The following IGSF1 variants were observed in gnomAD, a reference collection of about 807,000 sequenced individuals.
IGSF1 encodes immunoglobulin-like domain-containing protein 1.
In IGSF1, 40 loss-of-function variants were observed where a neutral mutation model predicts 95.3. The observed-to-expected ratio is 0.42, with a 90% CI of 0.33 to 0.55. The LOEUF (loss-of-function observed/expected upper bound fraction) is 0.55. IGSF1 is among the 20% of genes least tolerant of loss of function. The pLI, the probability that IGSF1 is intolerant of heterozygous loss-of-function variation, is 0.10. For missense variants in IGSF1, 906 were observed against 1,025.4 expected (o/e 0.88, Z 1.59); for synonymous variants, 372 against 382.9 (o/e 0.97, Z 0.33).
intron 5 of IGSF1, chrX:131,284,785 T>TTTTATAATAA: frequency 4.7e-6 from 4 of 844,128 alleles, no homozygotes; most frequent in Non-Finnish European, 5.8e-6. Context: ...AAAATAACAA[T>TTTTATAATAA]TACAAATAAA....
chrX:131,286,451 C>A lies in IGSF1; in HGVS notation c.83G>T (p.Gly28Val). The A allele has an allele frequency of 8.3e-7, 1 of 1,203,761 alleles. No homozygotes were observed. Among genetic ancestry groups the A allele is most frequent in the South Asian group, 1.8e-5 (1 of 56,772 alleles). ...VLLFCIRMSL[G>V]MTSIVMDPQP... is the part of the protein sequence containing the mutation. The stretch of plus-strand genomic sequence containing the variant: ...GACTCACTTACCTATTGATGTCATA[C>A]CCAGACTCATCCCTGAAAAGAGAGA... Residue 28 changes from glycine (G) to valine (V), a missense_variant, in exon 3 of 20, where the codon GGT becomes GTT. This residue lies in a region of IGSF1 where 442 missense variants were observed against 448.1 expected (regional missense o/e 0.99). Coordinates refer to ENST00000361420, the MANE Select transcript of IGSF1 (RefSeq NM_001555.5).
At chrX:131,276,800 T>G (rs1174698302) in intron 14 of IGSF1, 139 bp downstream of exon 14, 1 of 546,690 alleles carries the variant, frequency 1.8e-6, no homozygotes, top group East Asian at 3.3e-5. Flanking sequence ...CATCATGGAC[T>G]GGTCACTATG....
chrX:131,281,436 A>G (rs2080558009), intron 8 of IGSF1, 98 bp from the exon 9 acceptor site: 2 of 1,038,322 alleles, frequency 1.9e-6, no homozygotes, highest in Admixed American at 4.8e-5. Context: ...GACAGTGCTT[A>G]TATTGAGAAG....
intron 4 of IGSF1, 87 bp downstream of exon 4, chrX:131,285,680 A>G: frequency 2.0e-6 from 2 of 978,497 alleles, no homozygotes; most frequent in Non-Finnish European, 2.8e-6. Context: ...GCATGCTTGC[A>G]TGCATTTGTG....
rs1398271819 is a variant in IGSF1 at position 131,274,670 on chromosome X, C to T, written c.3680G>A (p.Ser1227Asn). ...EGKGIGNYSC[S>N]YRLQAYPDIW... ...ATCAGGGTAGGCCTGGAGGCGGTAG[C>T]TGCAGCTGTAGTTTCCAATGCCTTT... Residue 1227 changes from serine (S) to asparagine (N), a missense_variant, in exon 18 of 20, where the codon AGC becomes AAC. Coordinates refer to ENST00000361420, the MANE Select transcript of IGSF1 (RefSeq NM_001555.5). 1 of 1,210,073 alleles carries T rather than the reference C, an allele frequency of 8.3e-7. No individual in the cohort carries two copies. The highest frequency in any genetic ancestry group is 1.1e-6 in the Non-Finnish European group (1 of 894,865).
In IGSF1 at chrX:131,278,005, T is replaced by C. The variant is rs745394994; in HGVS notation, c.2171A>G (p.Gln724Arg). ...TTCTCTTCCAACAGCACCAAGTTGC[T>C]GGACAGGTTCTTGCTCTCCCTCCTT... The part of the protein sequence containing the change: ...LYKEGEQEPV[Q>R]QLGAVGREAF... Residue 724 changes from glutamine to arginine, a missense_variant, in exon 13 of 20, where the codon CAG becomes CGG. This residue lies in a region of IGSF1 where 411 missense variants were observed against 494.9 expected (regional missense o/e 0.83). Transcript: ENST00000361420. 1.7e-6 allele frequency: 2 copies of C among 1,211,789 alleles called. No individual in the cohort carries two copies. The highest frequency in any genetic ancestry group is 2.2e-6 in the Non-Finnish European group (2 of 895,430).
chrX:131,285,663 G>A lies in IGSF1; in HGVS notation c.379+104C>T, dbSNP rs2080624399. On this transcript the variant is annotated intron_variant, in intron 4 of 19. Transcript: ENST00000361420. The stretch of plus-strand genomic sequence containing the variant: ...CAAAGTAGGCCCTTATTTACTAACT[G>A]TGGGATGCATGCTTGCATGCATTTG... The A allele has an allele frequency of 4.5e-6, 4 of 889,006 alleles. No individual in the cohort carries two copies. The African/African-American group carries it at 7.9e-5, about 18-fold the overall frequency. The allele number at this position is 889,006 out of a possible 1,213,427, so 73.3% of individuals were successfully genotyped here. A position where few individuals can be genotyped will look rare whatever the true frequency, so the allele number is the denominator to read the frequency against.
intron 1 of IGSF1, among the ~76,000 whole-genome samples, chrX:131,288,789 C>T (rs927658397): frequency 9.5e-6 from 1 of 105,689 alleles, no homozygotes; most frequent in Non-Finnish European, 2.0e-5. Context: ...AGCCGTTTTA[C>T]CCTTCCCTCC....
chrX:131,284,759 C>A, intron 5 of IGSF1: 1 of 791,837 alleles, frequency 1.3e-6, no homozygotes, highest in Admixed American at 7.5e-5. Context: ...GCAATCCATT[C>A]TGTTTTCCAC....
intron 2 of IGSF1, 67 bp downstream of exon 2, chrX:131,286,538 C>G: frequency 8.6e-7 from 1 of 1,166,639 alleles, no homozygotes; most frequent in Non-Finnish European, 1.2e-6. Flanking sequence ...ATACTTTCCT[C>G]TCCCACCCCT....
chrX:131,274,642 G>A lies in IGSF1; in HGVS notation c.3708C>T (p.Ile1236=). 8.3e-7 allele frequency: 1 copy of A among 1,211,801 alleles called. No individual in the cohort carries two copies. Among genetic ancestry groups the A allele is most frequent in the Non-Finnish European group, 1.1e-6 (1 of 895,273 alleles). The change falls in exon 18 of 20, where the codon ATC becomes ATT. Residue 1236 remains isoleucine (I), a synonymous_variant. Transcript: ENST00000361420. The part of the protein sequence containing the change: ...CSYRLQAYPD[I]WSEPSDPLEL... ...CCAGGGGATCACTAGGCTCTGACCA[G>A]ATATCAGGGTAGGCCTGGAGGCGGT...
In IGSF1 at chrX:131,285,949, C is replaced by G. The variant is rs373968818; in HGVS notation, c.197G>C (p.Ser66Thr). The change falls in exon 4 of 20, where the codon AGC (serine) becomes ACC (threonine). Residue 66 changes from serine (S) to threonine (T), a missense_variant. Physicochemically the swap from Ser to Thr is moderately conservative, Grantham distance 58. Coordinates refer to ENST00000361420, the MANE Select transcript of IGSF1 (RefSeq NM_001555.5). ...LWCRSPSRIS[S>T]KFLLLKDKTQ... is the part of the protein sequence containing the mutation. The stretch of plus-strand genomic sequence containing the variant: ...CTTATCCTTCAGCAGCAGGAACTTG[C>G]TTGATATCCGAGAGGGGCTTCGGCA... 3 of 1,209,584 alleles carry G rather than the reference C, an allele frequency of 2.5e-6. No homozygotes were observed.
At chrX:131,278,314 C>T (rs1318712070) in intron 12 of IGSF1, 147 bp downstream of exon 12, 1 of 627,732 alleles carries the variant, frequency 1.6e-6, no homozygotes, top group Non-Finnish European at 2.5e-6. Context: ...TAACCCCCTA[C>T]CATTTCAGTG....
At position 131,277,167 on chromosome X, in the gene IGSF1, G is replaced by T; in HGVS notation, c.2380C>A (p.Arg794=). ...GGGGTGGAGCAATTGAAAGTCACTC[G>T]GGCACCAGGGGTGACCACAGGGCTG... The part of the protein sequence containing the change: ...WASPVVTPGA[R]VTFNCSTPHQ... The change falls in exon 14 of 20, where the codon CGA becomes AGA. Residue 794 remains arginine, a synonymous_variant. Transcript: ENST00000361420. 1 of 1,210,644 alleles carries T rather than the reference G, an allele frequency of 8.3e-7. No individual in the cohort carries two copies. The highest frequency in any genetic ancestry group is 1.1e-6 in the Non-Finnish European group (1 of 894,768).
chrX:131,275,270 G>A lies in IGSF1; in HGVS notation c.3201C>T (p.Pro1067=). The change falls in exon 17 of 20, where the codon CCC becomes CCT. Residue 1067 remains proline, a synonymous_variant. Transcript: ENST00000361420. ...TGGGACCAGGCTGGGCTAATAGGCT[G>A]GGTTTGGGGAGTAAGCCTGGAAGAA... is the stretch of plus-strand genomic sequence containing the variant. The part of the protein sequence containing the change: ...ELLVTGLLPK[P]SLLAQPGPMV... The A allele has an allele frequency of 8.3e-7, 1 of 1,211,178 alleles. No homozygotes were observed. The highest frequency in any genetic ancestry group is 2.2e-5 in the Admixed American group (1 of 46,062).
intron 17 of IGSF1, 23 bp downstream of exon 17, chrX:131,274,976 T>C (rs1556173217): frequency 8.3e-7 from 1 of 1,207,705 alleles, no homozygotes. Flanking sequence ...TCGTGACTTG[T>C]ACTGAAGTCT....
In IGSF1 at chrX:131,275,500, G is replaced by A; in HGVS notation, c.3162C>T (p.Asn1054=). The change falls in exon 16 of 20, where the codon AAC becomes AAT. Residue 1054 remains asparagine, a synonymous_variant. Transcript: ENST00000361420. ...TACCTGTGACTAGGAGTTCCAGGGT[G>A]TTGCTAGGTTGTATCTTGATAGAAC... ...WTSSIKIQPS[N]TLELLVTGLL... is the part of the protein sequence containing the mutation. 6.6e-6 allele frequency: 8 copies of A among 1,210,895 alleles called. No individual in the cohort carries two copies. Among genetic ancestry groups the A allele is most frequent in the Non-Finnish European group, 7.8e-6 (7 of 894,927 alleles).
chrX:131,287,188 T>TAGAG (rs201283992), intron 1 of IGSF1, among the ~76,000 whole-genome samples: 1 of 105,046 alleles, frequency 9.5e-6, no homozygotes. Flanking sequence ...TATATATATA[T>TAGAG]ATAGAGAGAG....
intron 14 of IGSF1, 82 bp from the exon 15 acceptor site, chrX:131,276,330 A>G (rs970068778): frequency 1.2e-6 from 1 of 809,314 alleles, no homozygotes; most frequent in African/African-American, 2.1e-5. Flanking sequence ...ATTGTAAGAC[A>G]CAATATATGT....
Sources: allele counts gnomAD v4.1 joint callset (sites outside exome capture counted in the v4.1 genomes callset), GRCh38; gene constraint gnomAD v4.1.1; regional missense constraint gnomAD v4.1.1; transcripts MANE v1.5; gene names NCBI Gene and HGNC (gene_info 2026-07-23, HGNC 2026-07-21).